Variants in HTR1F observed in about 807,000 individuals in gnomAD.
HTR1F encodes 5-hydroxytryptamine receptor 1F, also known as 5-hydroxytryptamine (serotonin) receptor 1F, G protein-coupled.
A neutral mutation model predicts 24.0 loss-of-function variants in HTR1F; 17 were observed. That is an observed-to-expected ratio of 0.71 (90% CI 0.48 to 1.06). HTR1F has a LOEUF of 1.06. Among genes scored for constraint, HTR1F ranks in the 50% least tolerant of loss-of-function variants. The pLI is 0.00. For missense variants in HTR1F, 391 were observed against 427.8 expected (o/e 0.91, Z 0.76); for synonymous variants, 186 against 156.8 (o/e 1.19, Z -1.39).
At chr3:87,925,206 T>C (rs1179101201) in intron 2 of HTR1F, among the ~76,000 whole-genome samples, 1 of 152,068 alleles carries the variant, frequency 6.6e-6, no homozygotes, top group Admixed American at 6.6e-5. Context: ...AGCCAGTTCT[T>C]TGGCTCTGGA....
intron 2 of HTR1F, among the ~76,000 whole-genome samples, chr3:87,990,045 C>T (rs1269542166): frequency 6.6e-6 from 1 of 152,176 alleles, no homozygotes; most frequent in East Asian, 1.9e-4. Context: ...AGTCTAGGTG[C>T]TGGGGTGATT....
At chr3:87,845,813 GT>G (rs1704928282) in intron 2 of HTR1F, among the ~76,000 whole-genome samples, 1 of 151,914 alleles carries the variant, frequency 6.6e-6, no homozygotes, top group Admixed American at 6.6e-5. Flanking sequence ...CATTGCTCAA[GT>G]TGTCATTATT....
intron 1 of HTR1F, among the ~76,000 whole-genome samples, chr3:87,808,765 T>C (rs1363909817): frequency 1.3e-5 from 2 of 152,060 alleles, no homozygotes; most frequent in African/African-American, 4.8e-5. Context: ...GCTTTGTTCT[T>C]AGCACTGCTT....
chr3:87,856,431 G>T (rs139883545), intron 2 of HTR1F, among the ~76,000 whole-genome samples: 2 of 151,388 alleles, frequency 1.3e-5, no homozygotes, highest in African/African-American at 4.9e-5. Context: ...ACCCAAAACT[G>T]CTCTAAAAAT....
At chr3:87,855,484 C>T (rs1049791411) in intron 2 of HTR1F, among the ~76,000 whole-genome samples, 18 of 152,100 alleles carry the variant, frequency 1.2e-4, no homozygotes, top group African/African-American at 3.9e-4. Flanking sequence ...TCTGTAACTC[C>T]CCCAGCAAGT....
intron 2 of HTR1F, among the ~76,000 whole-genome samples, chr3:87,841,917 G>A (rs201474567): frequency 8.3e-3 from 578 of 69,882 alleles, no homozygotes; most frequent in Middle Eastern, 0.037. Context: ...AAAAAAAAAA[G>A]AAAAAGAAAA....
At position 87,847,916 on chromosome 3, in the gene HTR1F, C is replaced by T. The variant is rs527651058; in HGVS notation, c.-43+25792C>T. 3.7e-4 allele frequency among the ~76,000 whole-genome samples: 57 copies of T among 152,010 alleles called. 2 individuals carry two copies. The highest frequency in any genetic ancestry group is 1.4e-3 in the African/African-American group (56 of 41,352). Reference sequence around the variant, plus strand: ...AATATTTCATTGTGCATATATACCACATTTTAAATGCGTTTGTTCACTGAT... The same window carrying T: ...AATATTTCATTGTGCATATATACCATATTTTAAATGCGTTTGTTCACTGAT... On this transcript the variant is annotated intron_variant, in intron 2 of 2. Transcript: ENST00000319595.
At chr3:87,843,926 A>T (rs1286364389) in intron 2 of HTR1F, among the ~76,000 whole-genome samples, 1 of 151,486 alleles carries the variant, frequency 6.6e-6, no homozygotes, top group Non-Finnish European at 1.5e-5. Context: ...CCAGTCTATC[A>T]TTGTTGGACA....
chr3:87,821,546 C>A (rs143766405), intron 1 of HTR1F, among the ~76,000 whole-genome samples: 1 of 152,270 alleles, frequency 6.6e-6, no homozygotes, highest in African/African-American at 2.4e-5. Context: ...TTTCCATCAT[C>A]CCTCAAATCC....
At chr3:87,907,897 A>G (rs1703700781) in intron 2 of HTR1F, among the ~76,000 whole-genome samples, 1 of 152,032 alleles carries the variant, frequency 6.6e-6, no homozygotes, top group Non-Finnish European at 1.5e-5. Flanking sequence ...CAGCAGACTG[A>G]TTATATGTTG....
chr3:87,934,116 T>C (rs142111982), intron 2 of HTR1F, among the ~76,000 whole-genome samples: 1 of 152,224 alleles, frequency 6.6e-6, no homozygotes, highest in Non-Finnish European at 1.5e-5. Context: ...AAGCTATTCA[T>C]CAGTGAGCTA....
At chr3:87,944,983 T>C (rs1704660063) in intron 2 of HTR1F, among the ~76,000 whole-genome samples, 1 of 152,176 alleles carries the variant, frequency 6.6e-6, no homozygotes. Context: ...AGGTTTTAAG[T>C]TTACCCTGGC....
At chr3:87,794,838 T>C (rs989505270) in intron 1 of HTR1F, among the ~76,000 whole-genome samples, 6 of 152,202 alleles carry the variant, frequency 3.9e-5, no homozygotes, top group Non-Finnish European at 8.8e-5. Context: ...ATATATTAAC[T>C]AGTTATATTG....
chr3:87,923,984 G>T (rs1472070649), intron 2 of HTR1F, among the ~76,000 whole-genome samples: 2 of 151,994 alleles, frequency 1.3e-5, no homozygotes, highest in Non-Finnish European at 2.9e-5. Flanking sequence ...TCTAGTTTTG[G>T]TATCAGGGTA....
chr3:87,897,995 T>G (rs557425802), intron 2 of HTR1F, among the ~76,000 whole-genome samples: 23 of 152,056 alleles, frequency 1.5e-4, no homozygotes, highest in Non-Finnish European at 3.2e-4. Context: ...AATTAGTTGA[T>G]GAATGAACAA....
intron 2 of HTR1F, among the ~76,000 whole-genome samples, chr3:87,920,880 G>GT (rs1275933065): frequency 1.3e-5 from 2 of 151,948 alleles, no homozygotes; most frequent in East Asian, 1.9e-4. Context: ...TAAAATAAAA[G>GT]TTTTTTTAAA....
In HTR1F at chr3:87,816,425, G is replaced by T. The variant is rs117939571; in HGVS notation, c.-159-5583G>T. Among the ~76,000 whole-genome samples the T allele has an allele frequency of 2.6e-4, 39 of 152,100 alleles. No individual in the cohort carries two copies. The East Asian group carries it at 7.3e-3, about 29-fold the overall frequency. ...ACCGGAAGTGGCAAAAAGCAAATGG[G>T]TAAAAGAGTAAAAAATCAAATATTC... On this transcript the variant is annotated intron_variant, in intron 1 of 2. Transcript: ENST00000319595.
intron 2 of HTR1F, among the ~76,000 whole-genome samples, chr3:87,914,127 AC>A (rs1449698876): frequency 3.3e-5 from 5 of 152,120 alleles, no homozygotes; most frequent in Non-Finnish European, 5.9e-5. Flanking sequence ...TTTTGACCTT[AC>A]CTGGAGCTGA....
At chr3:87,914,595 T>G (rs1703851532) in intron 2 of HTR1F, among the ~76,000 whole-genome samples, 1 of 151,938 alleles carries the variant, frequency 6.6e-6, no homozygotes. Context: ...CCTGACAACC[T>G]GCATGACTCA....
Sources: allele counts gnomAD v4.1 joint callset (sites outside exome capture counted in the v4.1 genomes callset), GRCh38; gene constraint gnomAD v4.1.1; transcripts MANE v1.5; gene names NCBI Gene and HGNC (gene_info 2026-07-23, HGNC 2026-07-21).